Variants in CTBP2 observed in about 807,000 individuals in gnomAD.
CTBP2 encodes C-terminal binding protein 2.
CTBP2 carries 30 observed loss-of-function variants against 80.3 expected under a neutral mutation model. That is an observed-to-expected ratio of 0.37 (90% confidence interval 0.28 to 0.51). CTBP2 has a LOEUF of 0.51. Among genes scored for constraint, CTBP2 ranks in the 20% least tolerant of loss-of-function variants. CTBP2 has a pLI of 0.93. For missense variants in CTBP2, 1,212 were observed against 1,375.3 expected, an observed-to-expected ratio of 0.88 and a Z score of 1.88; for synonymous variants, 594 against 587.4, an observed-to-expected ratio of 1.01 and a Z score of -0.16.
At chr10:125,095,154 C>T (rs1338578099) in intron 2 of CTBP2, among the ~76,000 whole-genome samples, 2 of 152,162 alleles carry the variant, frequency 1.3e-5, no homozygotes, top group Admixed American at 1.3e-4. Context: ...TCACAATTCC[C>T]ATCCATGTCA....
At chr10:125,147,775 T>C (rs1235899701) in intron 1 of CTBP2, among the ~76,000 whole-genome samples, 2 of 152,080 alleles carry the variant, frequency 1.3e-5, no homozygotes, top group Non-Finnish European at 2.9e-5. Context: ...CCTGTACCTG[T>C]AGTCCCACCT....
chr10:125,095,553 C>T (rs1352707425), intron 2 of CTBP2, among the ~76,000 whole-genome samples: 1 of 152,224 alleles, frequency 6.6e-6, no homozygotes, highest in East Asian at 1.9e-4. Flanking sequence ...CAAGAACAGC[C>T]ACTACCACAT....
intron 2 of CTBP2, among the ~76,000 whole-genome samples, chr10:125,105,672 C>T (rs1362165352): frequency 2.0e-5 from 3 of 152,030 alleles, no homozygotes; most frequent in Non-Finnish European, 2.9e-5. Flanking sequence ...AAAACCAAGA[C>T]ATTTTTTTAA....
chr10:125,157,393 TAAAA>T (rs11355614), intron 1 of CTBP2, among the ~76,000 whole-genome samples: 2 of 112,620 alleles, frequency 1.8e-5, no homozygotes, highest in Non-Finnish European at 1.8e-5. Flanking sequence ...AGGTGGGGGT[TAAAA>T]AAAAAAAAAG....
chr10:125,040,531 C>T (rs961579531), intron 2 of CTBP2, among the ~76,000 whole-genome samples: 8 of 144,136 alleles, frequency 5.6e-5, no homozygotes, highest in Non-Finnish European at 1.2e-4. Flanking sequence ...CTATTGTCTT[C>T]TGTATTTTTT....
At chr10:125,015,494 C>G (rs1157003510) in intron 1 of CTBP2, among the ~76,000 whole-genome samples, 2 of 152,206 alleles carry the variant, frequency 1.3e-5, no homozygotes, top group Admixed American at 1.3e-4. Flanking sequence ...TCCCCTGCCT[C>G]GCTGGGGCCA....
chr10:124,993,994 G>A lies in CTBP2; in HGVS notation c.2401-9C>T, dbSNP rs1172731803. 1 of 1,613,738 alleles carries A rather than the reference G, an allele frequency of 6.2e-7. No homozygotes were observed. Among genetic ancestry groups the A allele is most frequent in the Non-Finnish European group, 8.5e-7 (1 of 1,179,872 alleles). On this transcript the variant is annotated splice_polypyrimidine_tract_variant and intron_variant, in intron 5 of 8. Transcript: ENST00000309035. ...AATGCTCCCTGCCTCATCTGTGGAA[G>A]GAAAGAAAAGCCGGTTACAGGCACA... is the stretch of plus-strand genomic sequence containing the variant.
Position 125,027,510 on chromosome 10 carries a change from C to CCTTT in CTBP2, c.246_249dup (p.Gly84LysfsTer6). On this transcript the variant is annotated frameshift_variant, in exon 1 of 9. Transcript: ENST00000309035. LOFTEE classifies it high-confidence loss of function. The stretch of plus-strand genomic sequence containing the variant: ...TAGAAGGTGAAGTCAGGAGTAGACC[C>CCTTT]CTTTCTTGCAGCCACTGAGTTATAA... 1.9e-6 allele frequency: 3 copies of CCTTT among 1,614,128 alleles called. No individual in the cohort carries two copies. The highest frequency in any genetic ancestry group is 2.5e-6 in the Non-Finnish European group (3 of 1,180,012).
At chr10:125,073,416 G>A (rs914531649) in intron 2 of CTBP2, among the ~76,000 whole-genome samples, 1 of 152,142 alleles carries the variant, frequency 6.6e-6, no homozygotes, top group Non-Finnish European at 1.5e-5. Flanking sequence ...GCTATATTTT[G>A]TATTTTTAGT....
At position 125,082,281 on chromosome 10, in the gene CTBP2, T is replaced by A. The variant is rs1259018723; in HGVS notation, c.-102+28709A>T. On this transcript the variant is annotated intron_variant, in intron 2 of 10. Transcript: ENST00000337195. ...AGTGGACAGCCTCGCCTTGGAGATG[T>A]GGCCAGATGGGCTGCCTCTTAAGTC... 3.9e-5 allele frequency among the ~76,000 whole-genome samples: 6 copies of A among 152,204 alleles called. No homozygotes were observed. In the South Asian group the frequency reaches 1.2e-3, roughly 32 times the overall value.
intron 1 of CTBP2, among the ~76,000 whole-genome samples, chr10:125,124,520 AAGC>A (rs1854898091): frequency 6.6e-6 from 1 of 152,226 alleles, no homozygotes; most frequent in Non-Finnish European, 1.5e-5. Context: ...GATAAAAAAT[AAGC>A]AGATTTTAAT....
At chr10:125,015,644 C>T (rs544214371) in intron 1 of CTBP2, among the ~76,000 whole-genome samples, 17 of 152,328 alleles carry the variant, frequency 1.1e-4, no homozygotes, top group East Asian at 5.8e-4. Flanking sequence ...CAGTGCTCCC[C>T]GAAGCACTTC....
At chr10:125,159,793 A>T (rs1395692320) in intron 1 of CTBP2, 1 of 148,086 alleles carries the variant, frequency 6.8e-6, no homozygotes, top group African/African-American at 2.5e-5. Flanking sequence ...ATCCGGCCGT[A>T]TTGTCCCCGC....
chr10:125,016,611 C>T (rs995522252), intron 1 of CTBP2, among the ~76,000 whole-genome samples: 10 of 152,248 alleles, frequency 6.6e-5, no homozygotes, highest in African/African-American at 2.2e-4. Flanking sequence ...AGCACACTCT[C>T]GTTTTTCGAG....
intron 2 of CTBP2, among the ~76,000 whole-genome samples, chr10:125,098,446 G>A (rs1368329150): frequency 6.6e-6 from 1 of 152,088 alleles, no homozygotes; most frequent in African/African-American, 2.4e-5. Context: ...TATATGCGTG[G>A]TCCGTAAGGC....
At chr10:125,101,872 G>T (rs1469242424) in intron 2 of CTBP2, among the ~76,000 whole-genome samples, 2 of 152,060 alleles carry the variant, frequency 1.3e-5, no homozygotes, top group Non-Finnish European at 2.9e-5. Context: ...TATATTCATG[G>T]GGTACAAGTG....
chr10:125,048,818 A>T (rs1275924690), intron 2 of CTBP2, among the ~76,000 whole-genome samples: 1 of 152,206 alleles, frequency 6.6e-6, no homozygotes, highest in Non-Finnish European at 1.5e-5. Context: ...TCCATTACAA[A>T]TGACAGCCTC....
chr10:125,038,969 T>C (rs747409611), intron 3 of CTBP2, 28 bp downstream of exon 3: 4 of 1,610,668 alleles, frequency 2.5e-6, no homozygotes, highest in Non-Finnish European at 1.7e-6. Context: ...TACGTATGTT[T>C]GGTAAAAACC....
intron 1 of CTBP2, among the ~76,000 whole-genome samples, chr10:125,128,162 C>T (rs1186736806): frequency 1.3e-5 from 2 of 152,174 alleles, no homozygotes; most frequent in African/African-American, 4.8e-5. Flanking sequence ...AGAATACCTA[C>T]TTAGCCAAGT....
Sources: allele counts gnomAD v4.1 joint callset (sites outside exome capture counted in the v4.1 genomes callset), GRCh38; gene constraint gnomAD v4.1.1; transcripts MANE v1.5; gene names NCBI Gene and HGNC (gene_info 2026-07-23, HGNC 2026-07-21).